Variants in GPHN observed in about 807,000 individuals in gnomAD.
GPHN encodes the protein gephyrin.
In GPHN, 17 loss-of-function variants were observed where a neutral mutation model predicts 95.5. The ratio of observed to expected loss-of-function variants is 0.18; its 90% CI spans 0.12 to 0.27. The LOEUF is 0.27. GPHN is among the 10% of genes least tolerant of loss of function. The pLI is 1.00. For synonymous variants in GPHN, 320 were observed against 322.5 expected (o/e 0.99, Z 0.08); for missense variants, 660 against 978.1 (o/e 0.67, Z 4.34).
the GPHN span, among the ~76,000 whole-genome samples, chr14:67,339,159 C>A: frequency 1.3e-5 from 2 of 152,008 alleles, no homozygotes; most frequent in African/African-American, 2.4e-5. Flanking sequence ...CCACACCTGG[C>A]TAATTTTTTG....
At chr14:67,612,624 C>T in the GPHN span, among the ~76,000 whole-genome samples, 1 of 152,104 alleles carries the variant, frequency 6.6e-6, no homozygotes, top group Non-Finnish European at 1.5e-5. Flanking sequence ...AAATAATGAG[C>T]TTTCACAGCT....
chr14:67,533,367 G>A, the GPHN span: 2 of 151,588 alleles, frequency 1.3e-5, no homozygotes, highest in African/African-American at 2.4e-5. Flanking sequence ...TGTGCCCAGT[G>A]CGCGGCGGGG....
At chr14:67,048,134 A>C (rs2075128901) in intron 10 of GPHN, among the ~76,000 whole-genome samples, 1 of 152,180 alleles carries the variant, frequency 6.6e-6, no homozygotes, top group Non-Finnish European at 1.5e-5. Flanking sequence ...AGTAGAAAGG[A>C]ATCCATTTGT....
At chr14:66,752,678 A>T (rs1245235511) in intron 2 of GPHN, among the ~76,000 whole-genome samples, 1 of 152,120 alleles carries the variant, frequency 6.6e-6, no homozygotes, top group African/African-American at 2.4e-5. Flanking sequence ...AGTTTTAAAT[A>T]CTACGAGAAT....
chr14:66,931,993 G>A (rs2066823026), intron 8 of GPHN, among the ~76,000 whole-genome samples: 1 of 152,036 alleles, frequency 6.6e-6, no homozygotes, highest in Admixed American at 6.6e-5. Flanking sequence ...CATCCTTCTT[G>A]GGAAGGCTTT....
At chr14:66,893,000 A>T (rs149419903) in intron 5 of GPHN, among the ~76,000 whole-genome samples, 175 of 152,292 alleles carry the variant, frequency 1.1e-3, no homozygotes, top group Non-Finnish European at 2.1e-3. Flanking sequence ...TTCAGGCCCA[A>T]CTTCCAGACT....
At chr14:67,296,032 G>A in the GPHN span, among the ~76,000 whole-genome samples, 1 of 152,164 alleles carries the variant, frequency 6.6e-6, no homozygotes, top group East Asian at 1.9e-4. Context: ...AATGAGAAGT[G>A]CTATGATGGC....
chr14:66,885,552 G>T (rs2064145153), intron 5 of GPHN, among the ~76,000 whole-genome samples: 1 of 152,118 alleles, frequency 6.6e-6, no homozygotes, highest in South Asian at 2.1e-4. Flanking sequence ...GCTTTAGGTT[G>T]TAGAAGTGCA....
At chr14:66,958,509 C>G (rs1365116157) in intron 8 of GPHN, among the ~76,000 whole-genome samples, 1 of 152,120 alleles carries the variant, frequency 6.6e-6, no homozygotes, top group Non-Finnish European at 1.5e-5. Flanking sequence ...TTACACAAAC[C>G]TAGATGGTAT....
chr14:67,495,338 G>T, the GPHN span, among the ~76,000 whole-genome samples: 1 of 152,132 alleles, frequency 6.6e-6, no homozygotes, highest in Non-Finnish European at 1.5e-5. Flanking sequence ...CTTGCAGAAG[G>T]CATCCATCCT....
At chr14:67,195,713 TTGTGTGTGTGTGTGTGTG>T in the GPHN span, among the ~76,000 whole-genome samples, 18 of 143,232 alleles carry the variant, frequency 1.3e-4, no homozygotes, top group Admixed American at 2.8e-4. Context: ...TTCTTTTTGG[TTGTGTGTGTGTGTGTGTG>T]TGTGTGTGTG....
In GPHN at chr14:66,544,629, C is replaced by T. The variant is rs1264490132; in HGVS notation, c.64+36038C>T. Among the ~76,000 whole-genome samples, 4 of 143,556 alleles carry T rather than the reference C, an allele frequency of 2.8e-5. No homozygotes were observed. The East Asian group carries it at 8.1e-4, about 29-fold the overall frequency. 94.2% of individuals were successfully genotyped at this position (143,556 alleles called of 152,430 possible). A position where few individuals can be genotyped will look rare whatever the true frequency, so the allele number is the denominator to read the frequency against. ...TTTTATTGATCATTCTTGGGTGTTT[C>T]TCACAGAGGGGGATTTGGCAGGGTC... is the stretch of plus-strand genomic sequence containing the variant. On this transcript the variant is annotated intron_variant, in intron 1 of 22. Coordinates refer to ENST00000478722, the MANE Select transcript of GPHN (RefSeq NM_020806.5).
intron 2 of GPHN, among the ~76,000 whole-genome samples, chr14:66,699,687 C>T (rs1430008683): frequency 6.6e-6 from 1 of 152,112 alleles, no homozygotes; most frequent in East Asian, 1.9e-4. Context: ...GGCTCTTCAA[C>T]TTCACCTCTC....
chr14:67,623,533 C>T, the GPHN span, among the ~76,000 whole-genome samples: 3 of 120,080 alleles, frequency 2.5e-5, no homozygotes, highest in East Asian at 4.8e-4. Flanking sequence ...TCTCAGGTAA[C>T]CTTTTTTTTT....
chr14:67,335,361 G>A, the GPHN span: 1 of 152,178 alleles, frequency 6.6e-6, no homozygotes, highest in Non-Finnish European at 1.5e-5. Context: ...CTGTCCCTCT[G>A]TGGTTCTGAC....
the GPHN span, chr14:67,593,705 C>T: frequency 2.3e-6 from 3 of 1,292,104 alleles, no homozygotes; most frequent in Non-Finnish European, 3.4e-6. Context: ...GCTACCTCCT[C>T]CAGAGAGGCC....
At chr14:66,751,766 G>A (rs181830470) in intron 2 of GPHN, among the ~76,000 whole-genome samples, 6 of 152,174 alleles carry the variant, frequency 3.9e-5, no homozygotes, top group Admixed American at 3.3e-4. Context: ...ATGAGCATTG[G>A]CTTCAACTTA....
the GPHN span, chr14:67,557,497 G>A: frequency 2.4e-5 from 34 of 1,388,354 alleles, no homozygotes; most frequent in East Asian, 6.9e-5. Flanking sequence ...GAGCTGTTCC[G>A]CTCAAGCCCT....
chr14:67,045,439 C>G (rs1567250356), intron 10 of GPHN, among the ~76,000 whole-genome samples: 1 of 149,232 alleles, frequency 6.7e-6, no homozygotes, highest in Non-Finnish European at 1.5e-5. Context: ...CTGTCTTTGT[C>G]TCTCTCTGTC....
Sources: allele counts gnomAD v4.1 joint callset (sites outside exome capture counted in the v4.1 genomes callset), GRCh38; gene constraint gnomAD v4.1.1; transcripts MANE v1.5; gene names NCBI Gene and HGNC (gene_info 2026-07-23, HGNC 2026-07-21).